Variants in LUZP2 observed in about 807,000 individuals in gnomAD.
The protein encoded by LUZP2 is leucine zipper protein 2.
Under a neutral mutation model 51.6 loss-of-function variants are expected in LUZP2, and 52 were observed. That is an observed-to-expected ratio of 1.01 (90% confidence interval 0.81 to 1.27). The LOEUF is 1.27. Ranked by LOEUF, LUZP2 falls within the 50% of genes most tolerant of loss-of-function variation. LUZP2 has a pLI of 0.00. For synonymous variants in LUZP2, 154 were observed against 137.3 expected (o/e 1.12, Z -0.85); for missense variants, 436 against 395.4 (o/e 1.10, Z -0.87).
At chr11:24,756,203 C>G (rs79627972) in intron 4 of LUZP2, among the ~76,000 whole-genome samples, 1,725 of 152,248 alleles carry the variant, frequency 0.011, 34 homozygotes, top group African/African-American at 0.035. Flanking sequence ...TCAGACCGAA[C>G]CAATGTGTAC....
intron 1 of LUZP2, among the ~76,000 whole-genome samples, chr11:24,662,455 A>T (rs1293961643): frequency 6.6e-6 from 1 of 152,182 alleles, no homozygotes; most frequent in African/African-American, 2.4e-5. Context: ...AATAATGTCC[A>T]AACTAATATC....
chr11:24,725,122 T>C (rs1403249770), intron 1 of LUZP2, among the ~76,000 whole-genome samples: 3 of 152,180 alleles, frequency 2.0e-5, no homozygotes, highest in Non-Finnish European at 4.4e-5. Context: ...TAAAATTCAT[T>C]CAGAAGAAAC....
chr11:24,657,722 C>A (rs1855855931), intron 1 of LUZP2, among the ~76,000 whole-genome samples: 3 of 152,188 alleles, frequency 2.0e-5, no homozygotes, highest in Admixed American at 1.3e-4. Flanking sequence ...TAGGTAACTT[C>A]AGCAAAGTCT....
chr11:24,658,028 T>C (rs1256882101), intron 1 of LUZP2, among the ~76,000 whole-genome samples: 2 of 152,100 alleles, frequency 1.3e-5, no homozygotes, highest in East Asian at 3.9e-4. Context: ...CAATGCCATC[T>C]CCATCAAGCT....
In LUZP2 at chr11:24,771,405, G is replaced by A. The variant is rs1011369325; in HGVS notation, c.396+8097G>A. 3.5e-4 allele frequency among the ~76,000 whole-genome samples: 50 copies of A among 143,280 alleles called. 1 individual carries two copies. Among genetic ancestry groups the A allele is most frequent in the African/African-American group, 1.3e-3 (50 of 39,118 alleles). 94.0% of individuals were successfully genotyped at this position (143,280 alleles called of 152,430 possible). A position where few individuals can be genotyped will look rare whatever the true frequency, so the allele number is the denominator to read the frequency against. ...TATACATGGCATCGTATCTATTCATGTGATTTTTAACTTTGCATTTCTCAG... is the reference window on the plus strand; with the variant it reads ...TATACATGGCATCGTATCTATTCATATGATTTTTAACTTTGCATTTCTCAG... On this transcript the variant is annotated intron_variant, in intron 5 of 11. Coordinates refer to ENST00000336930, the MANE Select transcript of LUZP2 (RefSeq NM_001009909.4).
intron 7 of LUZP2, among the ~76,000 whole-genome samples, chr11:24,935,501 G>A (rs889111750): frequency 3.3e-5 from 5 of 152,068 alleles, no homozygotes; most frequent in African/African-American, 1.2e-4. Context: ...GACATTTTAG[G>A]TTCTAAAATT....
chr11:25,038,889 T>C (rs1482196210), intron 9 of LUZP2, among the ~76,000 whole-genome samples: 2 of 152,148 alleles, frequency 1.3e-5, no homozygotes, highest in African/African-American at 4.8e-5. Flanking sequence ...TTGCTCTTGG[T>C]TTTGCAGGGG....
chr11:25,018,868 A>G (rs1230886433), intron 9 of LUZP2, among the ~76,000 whole-genome samples: 1 of 152,150 alleles, frequency 6.6e-6, no homozygotes, highest in Non-Finnish European at 1.5e-5. Context: ...TCAGTCGCCC[A>G]TAGTGCTGGG....
intron 8 of LUZP2, among the ~76,000 whole-genome samples, chr11:24,981,566 T>C (rs1399788530): frequency 6.6e-6 from 1 of 151,766 alleles, no homozygotes; most frequent in African/African-American, 2.4e-5. Context: ...TGCAGCCCAG[T>C]AGGTCTAAGC....
intron 9 of LUZP2, among the ~76,000 whole-genome samples, chr11:25,027,058 A>G (rs1056204748): frequency 3.3e-5 from 5 of 152,016 alleles, no homozygotes; most frequent in African/African-American, 1.2e-4. Flanking sequence ...ATAATATCAA[A>G]TGGGTTCCTG....
intron 1 of LUZP2, among the ~76,000 whole-genome samples, chr11:24,695,744 T>C (rs1295142824): frequency 6.6e-6 from 1 of 152,066 alleles, no homozygotes; most frequent in Non-Finnish European, 1.5e-5. Flanking sequence ...TGAGTTACTT[T>C]CAACAAGAAT....
chr11:24,901,421 T>TGA (rs971939624), intron 5 of LUZP2, among the ~76,000 whole-genome samples: 65 of 150,680 alleles, frequency 4.3e-4, no homozygotes, highest in African/African-American at 1.5e-3. Context: ...AAAGGTAACT[T>TGA]GAAGAGGATT....
intron 1 of LUZP2, among the ~76,000 whole-genome samples, chr11:24,546,470 T>A (rs2403958): frequency 6.6e-6 from 1 of 152,070 alleles, no homozygotes; most frequent in Non-Finnish European, 1.5e-5. Context: ...TTTCTTGAGG[T>A]TTTTTAACAT....
intron 5 of LUZP2, among the ~76,000 whole-genome samples, chr11:24,795,753 A>G (rs1207019442): frequency 1.3e-5 from 2 of 152,086 alleles, no homozygotes; most frequent in Non-Finnish European, 2.9e-5. Flanking sequence ...GCTAAAGGAA[A>G]ACACAGAACC....
intron 1 of LUZP2, among the ~76,000 whole-genome samples, chr11:24,562,518 G>GT (rs1311203827): frequency 6.6e-6 from 1 of 151,832 alleles, no homozygotes; most frequent in Non-Finnish European, 1.5e-5. Flanking sequence ...CGAGATAGAT[G>GT]TAAGTCTATC....
At chr11:24,544,835 G>C (rs1355499307) in intron 1 of LUZP2, among the ~76,000 whole-genome samples, 2 of 151,960 alleles carry the variant, frequency 1.3e-5, no homozygotes, top group African/African-American at 4.8e-5. Flanking sequence ...TGGTAGTTCT[G>C]TTTTTTAGGT....
At chr11:24,523,189 T>A (rs1850697209) in intron 1 of LUZP2, among the ~76,000 whole-genome samples, 1 of 152,068 alleles carries the variant, frequency 6.6e-6, no homozygotes, top group South Asian at 2.1e-4. Context: ...CTTTTCAGTA[T>A]AAGAAATCTA....
At chr11:25,056,627 T>C (rs893364061) in intron 10 of LUZP2, among the ~76,000 whole-genome samples, 23 of 152,064 alleles carry the variant, frequency 1.5e-4, no homozygotes, top group Admixed American at 6.5e-5. Context: ...CAATATAAGG[T>C]AGATGAAGAT....
In LUZP2 at chr11:24,637,670, A is replaced by G. The variant is rs142349030; in HGVS notation, c.63-91499A>G. On this transcript the variant is annotated intron_variant, in intron 1 of 11. Transcript: ENST00000336930. ...TGTGATTGATAATAAGGACTGAAAT[A>G]TGCCCTGGTCTCCTGCAGTGCCCTC... Among the ~76,000 whole-genome samples, 86 of 151,862 alleles carry G rather than the reference A, an allele frequency of 5.7e-4. No individual in the cohort carries two copies. In the East Asian group the frequency reaches 0.015, roughly 27 times the overall value.
Sources: gnomAD v4.1 joint callset for allele counts (sites outside exome capture counted in the v4.1 genomes callset) on GRCh38, gnomAD v4.1.1 for gene constraint, MANE v1.5 for transcripts, NCBI Gene and HGNC (gene_info 2026-07-23, HGNC 2026-07-21) for gene names.